SHE: variants seen among roughly 807,000 people sequenced by gnomAD.
SHE encodes Src homology 2 domain containing E.
In SHE, 11 loss-of-function variants were observed where a neutral mutation model predicts 49.8. That is an observed-to-expected ratio of 0.22 (90% CI 0.14 to 0.37). The LOEUF is 0.37. Among genes scored for constraint, SHE ranks in the 10% least tolerant of loss-of-function variants. The pLI, the probability that SHE is intolerant of heterozygous loss-of-function variation, is 1.00. For synonymous variants in SHE, 310 were observed against 278.1 expected (o/e 1.11, Z -1.14); for missense variants, 624 against 655.5 (o/e 0.95, Z 0.52).
Position 154,480,458 on chromosome 1 carries a change from T to A in SHE, c.*3691A>T, listed in dbSNP as rs1691989290. On this transcript the variant is annotated 3_prime_UTR_variant, in exon 6 of 6. Transcript: ENST00000304760. ...AGATGCATCCAGTAACAACAGCCAA[T>A]AACAGACTAGTAACAGAGTTACATA... The A allele has an allele frequency of 1.0e-6, 1 of 985,280 alleles. No homozygotes were observed. Among genetic ancestry groups the A allele is most frequent in the Non-Finnish European group, 1.2e-6 (1 of 829,930 alleles). The allele number at this position is 985,280 out of a possible 1,614,324, so 61.0% of individuals were successfully genotyped here.
rs1691980867 is a variant in SHE, at chr1:154,480,137, G to T, written c.*4012C>A. ...TTAGTGGGGCACAAAAATTGGAAATGAGAATACAGAAGAGTGATTCTAACC... is the reference window on the plus strand; with the variant it reads ...TTAGTGGGGCACAAAAATTGGAAATTAGAATACAGAAGAGTGATTCTAACC... On this transcript the variant is annotated 3_prime_UTR_variant, in exon 6 of 6. Coordinates refer to ENST00000304760, the MANE Select transcript of SHE (RefSeq NM_001010846.3). 13 of 985,336 alleles carry T rather than the reference G, an allele frequency of 1.3e-5. No individual in the cohort carries two copies. The South Asian group carries it at 5.2e-4, about 39-fold the overall frequency. The allele number at this position is 985,336 out of a possible 1,614,324, so 61.0% of individuals were successfully genotyped here.
chr1:154,483,174 TCTTC>T lies in SHE; in HGVS notation c.*971_*974del, dbSNP rs1692068217. 3.0e-6 allele frequency: 3 copies of T among 985,446 alleles called. No individual in the cohort carries two copies. Among genetic ancestry groups the T allele is most frequent in the African/African-American group, 1.7e-5 (1 of 57,360 alleles). 61.0% of individuals were successfully genotyped at this position (985,446 alleles called of 1,614,324 possible). A position where few individuals can be genotyped will look rare whatever the true frequency, so the allele number is the denominator to read the frequency against. On this transcript the variant is annotated 3_prime_UTR_variant, in exon 6 of 6. Coordinates refer to ENST00000304760, the MANE Select transcript of SHE (RefSeq NM_001010846.3). ...ATTGGTGATTCTTAAACCTGGGGTA[TCTTC>T]CTTCCTATTTATGCTTATCTCACTG...
chr1:154,502,106 C>A lies in SHE; in HGVS notation c.-80G>T. The A allele has an allele frequency of 8.8e-7, 1 of 1,132,182 alleles. No homozygotes were observed. The highest frequency in any genetic ancestry group is 1.1e-6 in the Non-Finnish European group (1 of 903,156). The allele number at this position is 1,132,182 out of a possible 1,614,324, so 70.1% of individuals were successfully genotyped here. Reference sequence around the variant, plus strand: ...TGCGCCCCCGGCCGGCCGTCGCCCACGCCCGGCAGGGTGGGGTTCTCACGG... The same window carrying A: ...TGCGCCCCCGGCCGGCCGTCGCCCAAGCCCGGCAGGGTGGGGTTCTCACGG... On this transcript the variant is annotated 5_prime_UTR_variant, in exon 1 of 6. Transcript: ENST00000304760.
intron 3 of SHE, among the ~76,000 whole-genome samples, chr1:154,488,663 T>C (rs1023957520): frequency 3.3e-5 from 5 of 152,198 alleles, no homozygotes; most frequent in African/African-American, 9.6e-5. Context: ...CTTGACTCAC[T>C]GCAACCTCCG....
chr1:154,486,441 A>G (rs1276585034), intron 4 of SHE, 86 bp downstream of exon 4: 7 of 1,517,894 alleles, frequency 4.6e-6, no homozygotes, highest in African/African-American at 1.4e-5. Flanking sequence ...AAAAATAATC[A>G]TGTGAAATGG....
In SHE at chr1:154,471,031, C is replaced by CA. The variant is rs66850263; in HGVS notation, c.103-670dup. Among the ~76,000 whole-genome samples the CA allele has an allele frequency of 4.6e-3, 671 of 147,470 alleles. 7 individuals are homozygous for CA. Among genetic ancestry groups the CA allele is most frequent in the African/African-American group, 0.015 (614 of 39,946 alleles). On this transcript the variant is annotated intron_variant, in intron 1 of 1. Transcript: ENST00000486773. ...ACTCCATCTCAAAAAAAAAAAAACA[C>CA]AAAAAAAAAATAAAAGAAAGGTTCA...
chr1:154,488,363 A>C (rs973004413), intron 3 of SHE, among the ~76,000 whole-genome samples: 1 of 151,506 alleles, frequency 6.6e-6, no homozygotes, highest in Non-Finnish European at 1.5e-5. Context: ...GGTTCAAGCT[A>C]TTCTTCTGCC....
chr1:154,485,908 C>T lies in SHE; in HGVS notation c.1301+35G>A, dbSNP rs778436723. On this transcript the variant is annotated intron_variant, in intron 5 of 5. Transcript: ENST00000304760. ...AAGACTGTCACACAGTGTTCCTTCC[C>T]CTTGGAGATGAGGAAAGCCATGGGG... is the stretch of plus-strand genomic sequence containing the variant. 4.4e-6 allele frequency: 7 copies of T among 1,602,480 alleles called. No homozygotes were observed. In the South Asian group the frequency reaches 6.6e-5, roughly 15 times the overall value.
chr1:154,470,302 G>A (rs1472747553), exon 2 of SHE: 5 of 1,288,590 alleles, frequency 3.9e-6, no homozygotes, highest in African/African-American at 1.5e-5. Context: ...TGGCATTGCT[G>A]TTAGGATGAC....
chr1:154,489,389 C>T, intron 2 of SHE, 33 bp from the exon 3 acceptor site: 4 of 1,594,628 alleles, frequency 2.5e-6, no homozygotes, highest in Non-Finnish European at 3.4e-6. Context: ...GAAAAACACA[C>T]ACCATACACA....
Position 154,479,856 on chromosome 1 carries a change from C to A in SHE, c.*4293G>T. 1 of 985,416 alleles carries A rather than the reference C, an allele frequency of 1.0e-6. No individual in the cohort carries two copies. Among genetic ancestry groups the A allele is most frequent in the Non-Finnish European group, 1.2e-6 (1 of 829,926 alleles). 61.0% of individuals were successfully genotyped at this position (985,416 alleles called of 1,614,324 possible). A position where few individuals can be genotyped will look rare whatever the true frequency, so the allele number is the denominator to read the frequency against. The stretch of plus-strand genomic sequence containing the variant: ...TTGTGATGATAGTTGTATTAGACTT[C>A]AAAACACCCTTTCCGCAGGAAAGGG... On this transcript the variant is annotated 3_prime_UTR_variant, in exon 6 of 6. Coordinates refer to ENST00000304760, the MANE Select transcript of SHE (RefSeq NM_001010846.3).
chr1:154,487,235 G>A (rs1364894143), intron 3 of SHE, among the ~76,000 whole-genome samples: 3 of 146,822 alleles, frequency 2.0e-5, no homozygotes, highest in Non-Finnish European at 3.0e-5. Flanking sequence ...TTGCGCCACG[G>A]CACTCCACCC....
At chr1:154,475,443 T>G (rs1335300786), downstream of SHE, among the ~76,000 whole-genome samples, 1 of 152,230 alleles carries the variant, frequency 6.6e-6, no homozygotes, top group Non-Finnish European at 1.5e-5. Flanking sequence ...TGCCTCGGCC[T>G]CCCGAAGTGC....
At chr1:154,472,147 TCAG>T (rs1691762037) in intron 1 of SHE, among the ~76,000 whole-genome samples, 1 of 151,432 alleles carries the variant, frequency 6.6e-6, no homozygotes, top group Non-Finnish European at 1.5e-5. Flanking sequence ...AAAAAAATTA[TCAG>T]AAGAGCAACT....
rs955844977 is a variant in SHE at position 154,489,137 on chromosome 1, C to T, written c.938G>A (p.Arg313Gln). 37 of 1,613,884 alleles carry T rather than the reference C, an allele frequency of 2.3e-5. No homozygotes were observed. The highest frequency in any genetic ancestry group is 1.7e-4 in the Middle Eastern group (1 of 6,056). ...GGGCCTCTCGTCGTTCTCGGGCAGC[C>T]GGCTGTCTGGGGGCCGCGCCTTCCC... The part of the protein sequence containing the change: ...AEGKARPPDS[R>Q]LPENDERPAA... The change falls in exon 3 of 6, where the codon CGG becomes CAG. Residue 313 changes from arginine to glutamine, a missense_variant. Arg to Gln is a conservative substitution (Grantham distance 43). This residue lies in a region of SHE where 155 missense variants were observed against 142.0 expected (regional missense o/e 1.09). Coordinates refer to ENST00000304760, the MANE Select transcript of SHE (RefSeq NM_001010846.3).
downstream of SHE, among the ~76,000 whole-genome samples, chr1:154,477,924 G>C (rs866810743): frequency 3.1e-3 from 455 of 145,568 alleles, 4 homozygotes; most frequent in African/African-American, 0.011. Context: ...GAAAAGAAAA[G>C]AAAACTCTGC....
intron 1 of SHE, among the ~76,000 whole-genome samples, chr1:154,501,189 A>G (rs1461212709): frequency 6.6e-6 from 1 of 152,196 alleles, no homozygotes; most frequent in Non-Finnish European, 1.5e-5. Context: ...ACTCTTCTAA[A>G]CTGCTAACAA....
At position 154,479,574 on chromosome 1, in the gene SHE, G is replaced by T. The variant is rs1691965824; in HGVS notation, c.*4575C>A. ...TATATTGGCTACTGCAAAACAACCA[G>T]AAGTTTTATAAAATATTTCTGATTT... On this transcript the variant is annotated 3_prime_UTR_variant, in exon 6 of 6. Transcript: ENST00000304760. 3.1e-6 allele frequency: 3 copies of T among 979,370 alleles called. No homozygotes were observed. The highest frequency in any genetic ancestry group is 9.4e-5 in the South Asian group (2 of 21,170). The allele number at this position is 979,370 out of a possible 1,614,324, so 60.7% of individuals were successfully genotyped here.
chr1:154,478,819 T>C (rs1369992318), downstream of SHE, among the ~76,000 whole-genome samples: 3 of 152,182 alleles, frequency 2.0e-5, no homozygotes, highest in Non-Finnish European at 4.4e-5. Context: ...CTTCCTCTTC[T>C]CTTAAACACA....
Sources: gnomAD v4.1 joint callset for allele counts (sites outside exome capture counted in the v4.1 genomes callset) on GRCh38, gnomAD v4.1.1 for gene constraint, gnomAD v4.1.1 regional missense constraint, MANE v1.5 for transcripts, NCBI Gene and HGNC (gene_info 2026-07-23, HGNC 2026-07-21) for gene names.